ANKRD26: variants seen among roughly 807,000 people sequenced by gnomAD.
The protein encoded by ANKRD26 is ankyrin repeat domain-containing protein 26.
ANKRD26 carries 141 observed loss-of-function variants against 208.7 expected under a neutral mutation model. That is an observed-to-expected ratio of 0.68 (90% confidence interval 0.59 to 0.78). ANKRD26 has a LOEUF of 0.78. Ranked by LOEUF, ANKRD26 falls within the 30% of genes least tolerant of loss-of-function variation. The pLI is 0.00. For synonymous variants in ANKRD26, 636 were observed against 660.4 expected (o/e 0.96, Z 0.57); for missense variants, 1,889 against 1,938.7 (o/e 0.97, Z 0.48).
intron 6 of ANKRD26, chr10:27,080,549 A>C: frequency 1.2e-6 from 1 of 852,642 alleles, no homozygotes; most frequent in East Asian, 1.2e-4. Flanking sequence ...GCACTCAGAT[A>C]CCTAAAGAGA....
intron 15 of ANKRD26, among the ~76,000 whole-genome samples, chr10:27,059,479 G>A (rs2054968180): frequency 6.6e-6 from 1 of 152,096 alleles, no homozygotes. Flanking sequence ...TTTTAAAAGA[G>A]CATGGGAATG....
At position 27,066,586 on chromosome 10, in the gene ANKRD26, T is replaced by C. The variant is rs1483571911; in HGVS notation, c.1208-38A>G. ...ATACACAGATATATTCATGAGAACA[T>C]TTACTATTGTAAATTTTAAATACAT... is the stretch of plus-strand genomic sequence containing the variant. On this transcript the variant is annotated intron_variant, in intron 10 of 33. Coordinates refer to ENST00000376087, the MANE Select transcript of ANKRD26 (RefSeq NM_014915.3). The C allele has an allele frequency of 2.2e-6, 3 of 1,393,010 alleles. No individual in the cohort carries two copies. The East Asian group carries it at 6.9e-5, about 32-fold the overall frequency. 86.3% of individuals were successfully genotyped at this position (1,393,010 alleles called of 1,614,324 possible).
chr10:27,005,484 T>C lies in ANKRD26; in HGVS notation c.*106A>G. The stretch of plus-strand genomic sequence containing the variant: ...ATACTATATAAATTTTGATCTGACA[T>C]ATATGATACAAAAATACGTTCCTTT... On this transcript the variant is annotated 3_prime_UTR_variant, in exon 34 of 34. Transcript: ENST00000376087. 1 of 1,534,322 alleles carries C rather than the reference T, an allele frequency of 6.5e-7. No individual in the cohort carries two copies. Among genetic ancestry groups the C allele is most frequent in the Non-Finnish European group, 8.7e-7 (1 of 1,143,998 alleles).
intron 17 of ANKRD26, among the ~76,000 whole-genome samples, chr10:27,046,964 T>C (rs1476336974): frequency 6.6e-6 from 1 of 152,030 alleles, no homozygotes; most frequent in Non-Finnish European, 1.5e-5. Flanking sequence ...ACACGGCATC[T>C]AGATGTTTCC....
chr10:26,963,624 G>A, the ANKRD26 span, among the ~76,000 whole-genome samples: 1 of 152,060 alleles, frequency 6.6e-6, no homozygotes, highest in Non-Finnish European at 1.5e-5. Flanking sequence ...GATCCACAGG[G>A]GATTGGTTCC....
chr10:26,959,333 C>T, the ANKRD26 span, among the ~76,000 whole-genome samples: 49,995 of 149,886 alleles, frequency 0.33, 10,512 homozygotes, highest in Non-Finnish European at 0.47. Context: ...GCGAAATGAA[C>T]GTAGTGAAAG....
intron 3 of ANKRD26, among the ~76,000 whole-genome samples, chr10:26,986,528 C>T (rs1398312305): frequency 6.6e-6 from 1 of 152,144 alleles, no homozygotes; most frequent in Non-Finnish European, 1.5e-5. Flanking sequence ...GCAATCTACC[C>T]ATCTGACAAA....
chr10:27,100,153 AT>A lies in ANKRD26; in HGVS notation c.173del (p.Asn58MetfsTer16). ...GKIHKAASAGNVAKVQQILLL... is the reference protein window; with the variant it reads ...GKIHKAASAGXVAKVQQILLL... The stretch of plus-strand genomic sequence containing the variant: ...AAAGGATCTGCTGCACTTTCGCCAC[AT>A]TACCCGCGCTGGCAGCTTTGTGGAT... On this transcript the variant is annotated frameshift_variant, in exon 1 of 34. Coordinates refer to ENST00000376087, the MANE Select transcript of ANKRD26 (RefSeq NM_014915.3). LOFTEE classifies it high-confidence loss of function. 6.2e-7 allele frequency: 1 copy of A among 1,614,086 alleles called. No homozygotes were observed. Among genetic ancestry groups the A allele is most frequent in the South Asian group, 1.1e-5 (1 of 91,088 alleles).
At chr10:26,951,003 C>CTT in the ANKRD26 span, among the ~76,000 whole-genome samples, 1 of 78,280 alleles carries the variant, frequency 1.3e-5, no homozygotes, top group African/African-American at 6.3e-5. Flanking sequence ...TTTCTTTTTT[C>CTT]TTTTCTTTTC....
chr10:27,048,753 T>C, intron 17 of ANKRD26, 48 bp downstream of exon 17: 2 of 1,566,788 alleles, frequency 1.3e-6, no homozygotes. Context: ...ATTAGAATTT[T>C]TATAGCACAA....
intron 16 of ANKRD26, among the ~76,000 whole-genome samples, chr10:27,050,169 A>G (rs12355227): frequency 0.093 from 13,567 of 145,182 alleles, 900 homozygotes; most frequent in African/African-American, 0.18. Flanking sequence ...GCAGTGAGCC[A>G]AGATCATGCC....
chr10:27,030,731 T>A lies in ANKRD26; in HGVS notation c.3808-1375A>T, dbSNP rs74128539. ...TTAATTACTTAAAATATATTTAGAA[T>A]AACCACCTATGTTAGCTGTGGCCTT... On this transcript the variant is annotated intron_variant, in intron 25 of 33. Transcript: ENST00000376087. 411 of 319,122 alleles carry A rather than the reference T, an allele frequency of 1.3e-3. 2 individuals are homozygous for A. The highest frequency in any genetic ancestry group is 8.6e-3 in the African/African-American group (384 of 44,486). The allele number at this position is 319,122 out of a possible 1,614,324, so 19.8% of individuals were successfully genotyped here. A position where few individuals can be genotyped will look rare whatever the true frequency, so the allele number is the denominator to read the frequency against.
chr10:26,961,309 C>T, the ANKRD26 span, among the ~76,000 whole-genome samples: 1 of 151,878 alleles, frequency 6.6e-6, no homozygotes, highest in African/African-American at 2.4e-5. Flanking sequence ...TTTGTCCCAA[C>T]TATTCTATGC....
intron 32 of ANKRD26, among the ~76,000 whole-genome samples, chr10:27,009,359 T>C (rs2053011011): frequency 6.6e-6 from 1 of 152,238 alleles, no homozygotes; most frequent in Non-Finnish European, 1.5e-5. Flanking sequence ...GTTTTACCTA[T>C]ATTAAAAGTG....
chr10:27,099,723 T>C (rs909965859), intron 1 of ANKRD26, among the ~76,000 whole-genome samples: 8 of 152,268 alleles, frequency 5.3e-5, no homozygotes, highest in African/African-American at 1.9e-4. Flanking sequence ...CAGAAGTTGC[T>C]ATATTATGGA....
chr10:26,959,884 A>G, the ANKRD26 span, among the ~76,000 whole-genome samples: 2 of 152,154 alleles, frequency 1.3e-5, no homozygotes, highest in Non-Finnish European at 2.9e-5. Context: ...GTAAAGACTT[A>G]ATTGATGCGT....
rs1465501817 is a variant in ANKRD26, at chr10:27,037,232, G to A, written c.2651C>T (p.Ser884Phe). Residue 884 changes from serine to phenylalanine, a missense_variant, in exon 23 of 34, where the codon TCC becomes TTC. This residue lies in a region of ANKRD26 where 1,272 missense variants were observed against 1,273.8 expected (regional missense o/e 1.00). Coordinates refer to ENST00000376087, the MANE Select transcript of ANKRD26 (RefSeq NM_014915.3). The stretch of plus-strand genomic sequence containing the variant: ...AGCCATTTCAATCTCCTTTTGTTTG[G>A]AAAGGTGATTGGTCAGAATTCCATC... The part of the protein sequence containing the change: ...LQDGILTNHL[S>F]KQKEIEMAQK... The A allele has an allele frequency of 6.2e-7, 1 of 1,613,710 alleles. No individual in the cohort carries two copies. Among genetic ancestry groups the A allele is most frequent in the East Asian group, 2.2e-5 (1 of 44,840 alleles).
intron 12 of ANKRD26, chr10:27,061,997 G>A (rs2055075322): frequency 1.0e-6 from 1 of 985,098 alleles, no homozygotes; most frequent in Admixed American, 6.2e-5. Flanking sequence ...CTGTTTGAGT[G>A]TAAATGCAAT....
downstream of ANKRD26, among the ~76,000 whole-genome samples, chr10:27,000,157 C>A (rs899093082): frequency 6.6e-6 from 1 of 152,086 alleles, no homozygotes; most frequent in African/African-American, 2.4e-5. Context: ...CTTTGTGAGA[C>A]CCTGGGCAGA....
Sources: gnomAD v4.1 joint callset for allele counts (sites outside exome capture counted in the v4.1 genomes callset) on GRCh38, gnomAD v4.1.1 for gene constraint, gnomAD v4.1.1 regional missense constraint, MANE v1.5 for transcripts, NCBI Gene and HGNC (gene_info 2026-07-23, HGNC 2026-07-21) for gene names.